Variants in NCALD observed in about 807,000 individuals in gnomAD.
The protein encoded by NCALD is neurocalcin-delta.
NCALD carries 10 observed loss-of-function variants against 18.6 expected under a neutral mutation model. The ratio of observed to expected loss-of-function variants is 0.54; its 90% CI spans 0.33 to 0.91. The LOEUF is 0.91. Among genes scored for constraint, NCALD ranks in the 40% least tolerant of loss-of-function variants. NCALD has a pLI of 0.03. For synonymous variants in NCALD, 88 were observed against 87.4 expected (o/e 1.01, Z -0.04); for missense variants, 184 against 247.6 (o/e 0.74, Z 1.72).
chr8:101,876,488 TA>T (rs1816232801), intron 4 of NCALD, among the ~76,000 whole-genome samples: 1 of 152,220 alleles, frequency 6.6e-6, no homozygotes, highest in Non-Finnish European at 1.5e-5. Flanking sequence ...AGAAGACTTA[TA>T]TAGACCATGA....
At chr8:101,862,194 C>A (rs1815571113) in intron 4 of NCALD, among the ~76,000 whole-genome samples, 1 of 152,110 alleles carries the variant, frequency 6.6e-6, no homozygotes. Context: ...CTTTCACAGA[C>A]ATTACAATAT....
intron 3 of NCALD, among the ~76,000 whole-genome samples, chr8:101,904,015 G>T (rs1037233154): frequency 9.2e-5 from 14 of 152,190 alleles, no homozygotes; most frequent in African/African-American, 3.4e-4. Flanking sequence ...TAGGACTAGG[G>T]ATGAGCATAA....
At chr8:101,836,361 C>T (rs1814413142) in intron 4 of NCALD, among the ~76,000 whole-genome samples, 2 of 152,118 alleles carry the variant, frequency 1.3e-5, no homozygotes, top group South Asian at 4.2e-4. Context: ...AACCCTAGAC[C>T]CTTTTCCGCC....
At chr8:101,908,266 C>T (rs1167570223) in intron 3 of NCALD, among the ~76,000 whole-genome samples, 3 of 152,144 alleles carry the variant, frequency 2.0e-5, no homozygotes, top group African/African-American at 7.2e-5. Flanking sequence ...TCTGCCAACC[C>T]GTCCCTTTTG....
At chr8:102,030,482 T>C (rs80351467) in intron 1 of NCALD, among the ~76,000 whole-genome samples, 1,671 of 152,306 alleles carry the variant, frequency 0.011, 13 homozygotes, top group South Asian at 0.038. Flanking sequence ...ATATAAACCT[T>C]TGGAGGATGA....
chr8:101,920,320 C>T (rs1019224330), intron 2 of NCALD, among the ~76,000 whole-genome samples: 1 of 152,114 alleles, frequency 6.6e-6, no homozygotes, highest in Admixed American at 6.6e-5. Flanking sequence ...GAATTAAAAA[C>T]TTTAAGAAAG....
At chr8:101,742,230 G>GA (rs5893581) in intron 1 of NCALD, among the ~76,000 whole-genome samples, 267 of 145,472 alleles carry the variant, frequency 1.8e-3, no homozygotes, top group Admixed American at 0.015. Flanking sequence ...CTGTCTCAAA[G>GA]AAAAAAAAAA....
chr8:101,831,800 A>G (rs143836442), intron 4 of NCALD, among the ~76,000 whole-genome samples: 411 of 152,120 alleles, frequency 2.7e-3, no homozygotes, highest in Non-Finnish European at 4.3e-3. Flanking sequence ...CTAGATCTCA[A>G]TGGCTCCTAT....
chr8:101,792,408 G>A (rs1160010209), upstream of NCALD, among the ~76,000 whole-genome samples: 2 of 152,130 alleles, frequency 1.3e-5, no homozygotes, highest in Non-Finnish European at 2.9e-5. Flanking sequence ...CCCCAATTGG[G>A]AGAAAAGATA....
At chr8:102,100,875 G>A (rs1825254325) in intron 1 of NCALD, among the ~76,000 whole-genome samples, 1 of 152,164 alleles carries the variant, frequency 6.6e-6, no homozygotes, top group South Asian at 2.1e-4. Flanking sequence ...CAGAACGGTG[G>A]TCGTCAGGGG....
At chr8:101,890,696 C>T (rs552158187) in intron 3 of NCALD, among the ~76,000 whole-genome samples, 14 of 152,312 alleles carry the variant, frequency 9.2e-5, no homozygotes, top group Middle Eastern at 3.4e-3. Context: ...CATTAAACTT[C>T]CTGCATCTTA....
At chr8:102,121,560 A>G (rs545495482) in intron 1 of NCALD, among the ~76,000 whole-genome samples, 2 of 152,262 alleles carry the variant, frequency 1.3e-5, no homozygotes, top group South Asian at 2.1e-4. Flanking sequence ...AAGCTATAAA[A>G]CCCATGTGTG....
chr8:102,100,495 G>T (rs996802308), intron 1 of NCALD, among the ~76,000 whole-genome samples: 2 of 152,128 alleles, frequency 1.3e-5, no homozygotes, highest in Non-Finnish European at 2.9e-5. Context: ...AGGCTTTGGG[G>T]CACCACTGAG....
chr8:102,074,704 T>C (rs1335481686), intron 1 of NCALD, among the ~76,000 whole-genome samples: 1 of 152,172 alleles, frequency 6.6e-6, no homozygotes, highest in Admixed American at 6.5e-5. Flanking sequence ...GTGGGCATAT[T>C]TACTTCCACA....
intron 4 of NCALD, among the ~76,000 whole-genome samples, chr8:101,808,140 C>T (rs1165581639): frequency 1.3e-5 from 2 of 152,154 alleles, no homozygotes; most frequent in East Asian, 1.9e-4. Flanking sequence ...ACAGATTTCA[C>T]AGGCTCTAGA....
intron 2 of NCALD, among the ~76,000 whole-genome samples, chr8:101,954,366 G>A (rs373934373): frequency 1.3e-5 from 2 of 152,090 alleles, no homozygotes; most frequent in African/African-American, 4.8e-5. Flanking sequence ...AATATTCCCA[G>A]CCCTGAGCCC....
chr8:102,088,969 C>G (rs1016498591), intron 1 of NCALD, among the ~76,000 whole-genome samples: 2 of 152,160 alleles, frequency 1.3e-5, no homozygotes, highest in Non-Finnish European at 2.9e-5. Flanking sequence ...GATCCAGAAT[C>G]TGATATAAAA....
chr8:101,826,530 A>G (rs756051136), intron 4 of NCALD, among the ~76,000 whole-genome samples: 4 of 152,338 alleles, frequency 2.6e-5, no homozygotes, highest in East Asian at 1.9e-4. Context: ...TACATGTCCA[A>G]CAGAGCTTCT....
At chr8:102,106,466 T>TATATATATATATATATATACAC (rs1554598545) in intron 1 of NCALD, among the ~76,000 whole-genome samples, 1 of 139,088 alleles carries the variant, frequency 7.2e-6, no homozygotes, top group Non-Finnish European at 1.5e-5. Flanking sequence ...TATATATATA[T>TATATATATATATATATATACAC]ACACACACAC....
Sources: gnomAD v4.1 joint callset for allele counts (sites outside exome capture counted in the v4.1 genomes callset) on GRCh38, gnomAD v4.1.1 for gene constraint, MANE v1.5 for transcripts, NCBI Gene and HGNC (gene_info 2026-07-23, HGNC 2026-07-21) for gene names.